The following CAMTA1 variants were observed in gnomAD, a reference collection of about 807,000 sequenced individuals.
The protein encoded by CAMTA1 is calmodulin binding transcription activator 1, also known as calmodulin-binding transcription activator 1.
In CAMTA1, 27 loss-of-function variants were observed where a neutral mutation model predicts 170.9. That is an observed-to-expected ratio of 0.16 (90% CI 0.12 to 0.22). The LOEUF is 0.22. Among genes scored for constraint, CAMTA1 ranks in the 10% least tolerant of loss-of-function variants. CAMTA1 has a pLI of 1.00. For missense variants in CAMTA1, 1,619 were observed against 2,217.2 expected (o/e 0.73, Z 5.42); for synonymous variants, 833 against 891.5 (o/e 0.93, Z 1.17).
At chr1:6,858,482 G>GT (rs747379040) in intron 3 of CAMTA1, among the ~76,000 whole-genome samples, 162 of 82,026 alleles carry the variant, frequency 2.0e-3, no homozygotes, top group Non-Finnish European at 3.2e-3. Context: ...GTGTGTGTGT[G>GT]TGTTGGGGGG....
intron 4 of CAMTA1, among the ~76,000 whole-genome samples, chr1:7,095,357 C>G (rs1430955383): frequency 1.3e-5 from 2 of 152,134 alleles, no homozygotes; most frequent in Admixed American, 1.3e-4. Flanking sequence ...GTTTTCTCCA[C>G]TTCAGTTTTT....
intron 4 of CAMTA1, among the ~76,000 whole-genome samples, chr1:7,094,907 C>T (rs1641887642): frequency 6.6e-6 from 1 of 152,082 alleles, no homozygotes; most frequent in Non-Finnish European, 1.5e-5. Context: ...ACTTCATGCT[C>T]CCCACCCTGC....
chr1:7,139,587 A>G (rs1214154634), intron 4 of CAMTA1, among the ~76,000 whole-genome samples: 1 of 152,046 alleles, frequency 6.6e-6, no homozygotes, highest in Non-Finnish European at 1.5e-5. Context: ...CCCTTCACAG[A>G]ACTTTTCCAC....
At chr1:6,961,933 G>C (rs1009837050) in intron 3 of CAMTA1, among the ~76,000 whole-genome samples, 2 of 152,186 alleles carry the variant, frequency 1.3e-5, no homozygotes, top group African/African-American at 4.8e-5. Flanking sequence ...CCTGGGGAGG[G>C]AGGGAAGGCG....
intron 3 of CAMTA1, among the ~76,000 whole-genome samples, chr1:6,925,009 A>G (rs867389): frequency 0.33 from 50,318 of 152,218 alleles, 9,176 homozygotes; most frequent in Non-Finnish European, 0.41. Context: ...CTGGCCCTTC[A>G]CGGCCGGTGT....
At chr1:7,080,571 G>T (rs1397001267) in intron 3 of CAMTA1, among the ~76,000 whole-genome samples, 2 of 152,066 alleles carry the variant, frequency 1.3e-5, no homozygotes, top group East Asian at 1.9e-4. Context: ...GTTTTGCTCT[G>T]TCACTCAGGC....
intron 4 of CAMTA1, among the ~76,000 whole-genome samples, chr1:7,238,321 A>G (rs1180574606): frequency 6.6e-6 from 1 of 152,204 alleles, no homozygotes; most frequent in African/African-American, 2.4e-5. Flanking sequence ...CTGGATTTGA[A>G]TGTTGACTCT....
At chr1:7,130,139 A>G (rs557874964) in intron 4 of CAMTA1, among the ~76,000 whole-genome samples, 139 of 152,222 alleles carry the variant, frequency 9.1e-4, no homozygotes, top group Middle Eastern at 3.4e-3. Flanking sequence ...GGGTTTCACC[A>G]TGTTGGCCAG....
Position 7,641,455 on chromosome 1 carries a change from C to CG in CAMTA1, c.664+908dup, listed in dbSNP as rs2095760189. On this transcript the variant is annotated intron_variant, in intron 7 of 22. Coordinates refer to ENST00000303635, the MANE Select transcript of CAMTA1 (RefSeq NM_015215.4). This position sits in a 1 kb window ranked among gnomAD's most constrained non-coding sequence, Gnocchi z 4.5. ...AGCAGCTGTTGGTCACCATATACAGCGGGGGGACTGAAATATTCTTTCTGC... is the reference window on the plus strand; with the variant it reads ...AGCAGCTGTTGGTCACCATATACAGCGGGGGGGACTGAAATATTCTTTCTGC... 6.6e-6 allele frequency among the ~76,000 whole-genome samples: 1 copy of CG among 152,086 alleles called. No individual in the cohort carries two copies. Among genetic ancestry groups the CG allele is most frequent in the Admixed American group, 6.5e-5 (1 of 15,274 alleles).
intron 4 of CAMTA1, among the ~76,000 whole-genome samples, chr1:7,145,311 T>C (rs72859213): frequency 0.017 from 2,602 of 152,354 alleles, 72 homozygotes; most frequent in African/African-American, 0.056. Flanking sequence ...ATGGTTTTAG[T>C]GGGCTGCCAG....
At chr1:7,701,185 C>T (rs971847238) in intron 11 of CAMTA1, among the ~76,000 whole-genome samples, 2 of 152,244 alleles carry the variant, frequency 1.3e-5, no homozygotes, top group Non-Finnish European at 2.9e-5. Context: ...AGCTGTGTGG[C>T]TTTGAGCAAG....
At chr1:7,127,844 C>G (rs1381865250) in intron 4 of CAMTA1, among the ~76,000 whole-genome samples, 1 of 152,222 alleles carries the variant, frequency 6.6e-6, no homozygotes, top group African/African-American at 2.4e-5. Context: ...CAGGCCTATC[C>G]TTAGGAAGGC....
intron 5 of CAMTA1, among the ~76,000 whole-genome samples, chr1:7,433,272 G>A (rs2092241087): frequency 6.6e-6 from 1 of 152,226 alleles, no homozygotes; most frequent in Non-Finnish European, 1.5e-5. Context: ...TCCTCCACCT[G>A]GGCATCTCTA....
intron 3 of CAMTA1, among the ~76,000 whole-genome samples, chr1:7,085,620 G>A (rs1197561393): frequency 6.6e-6 from 1 of 152,246 alleles, no homozygotes; most frequent in Non-Finnish European, 1.5e-5. Flanking sequence ...GGAGGGGCTG[G>A]GCGATGAACA....
chr1:7,054,621 T>C (rs1473463227), intron 3 of CAMTA1, among the ~76,000 whole-genome samples: 2 of 152,134 alleles, frequency 1.3e-5, no homozygotes, highest in African/African-American at 4.8e-5. Context: ...TCAGAAGGGA[T>C]GCCTCCTGGC....
chr1:6,816,844 TC>T (rs1645884894), intron 1 of CAMTA1, among the ~76,000 whole-genome samples: 1 of 152,202 alleles, frequency 6.6e-6, no homozygotes, highest in Non-Finnish European at 1.5e-5. Context: ...CTGTGAAAGT[TC>T]CTGGCCCAGT....
intron 5 of CAMTA1, among the ~76,000 whole-genome samples, chr1:7,401,692 A>G (rs2089917225): frequency 6.6e-6 from 1 of 152,170 alleles, no homozygotes; most frequent in Non-Finnish European, 1.5e-5. Context: ...CAGCATCCAG[A>G]TCTTAAACAT....
intron 5 of CAMTA1, among the ~76,000 whole-genome samples, chr1:7,438,271 C>T (rs754041416): frequency 2.6e-5 from 4 of 152,080 alleles, no homozygotes; most frequent in African/African-American, 4.8e-5. Context: ...ACTGTCCGAG[C>T]GGCAGGTTTG....
At chr1:7,611,891 T>A (rs936006864) in intron 6 of CAMTA1, among the ~76,000 whole-genome samples, 16 of 152,192 alleles carry the variant, frequency 1.1e-4, no homozygotes, top group African/African-American at 3.6e-4. Context: ...ATGGGAGAGT[T>A]CCCTGACCCC....
Sources: gnomAD v4.1 joint callset for allele counts (sites outside exome capture counted in the v4.1 genomes callset) on GRCh38, gnomAD v4.1.1 for gene constraint, Gnocchi (gnomAD v3.1) non-coding constraint, MANE v1.5 for transcripts, NCBI Gene and HGNC (gene_info 2026-07-23, HGNC 2026-07-21) for gene names.